BICC1: variants seen among roughly 807,000 people sequenced by gnomAD.
BICC1 encodes BicC family RNA binding protein 1, also known as protein bicaudal C homolog 1.
Under a neutral mutation model 111.0 loss-of-function variants are expected in BICC1, and 43 were observed. The ratio of observed to expected loss-of-function variants is 0.39; its 90% CI spans 0.30 to 0.50. The LOEUF (loss-of-function observed/expected upper bound fraction) is 0.50. BICC1 is among the 20% of genes least tolerant of loss of function. The pLI is 0.88. For synonymous variants in BICC1, 467 were observed against 434.4 expected (o/e 1.07, Z -0.93); for missense variants, 1,091 against 1,203.2 (o/e 0.91, Z 1.38).
chr10:58,565,557 C>G (rs374377619), intron 1 of BICC1, among the ~76,000 whole-genome samples: 5 of 152,282 alleles, frequency 3.3e-5, no homozygotes, highest in East Asian at 1.9e-4. Context: ...CCCTTGCCCC[C>G]CCGATGTATG....
intron 1 of BICC1, among the ~76,000 whole-genome samples, chr10:58,535,859 C>A (rs1276329103): frequency 6.6e-6 from 1 of 150,960 alleles, no homozygotes; most frequent in Non-Finnish European, 1.5e-5. Context: ...TTCTTATAGA[C>A]CCAAGGGAAA....
At chr10:58,538,285 C>T (rs946371778) in intron 1 of BICC1, among the ~76,000 whole-genome samples, 19 of 125,600 alleles carry the variant, frequency 1.5e-4, no homozygotes, top group African/African-American at 3.4e-4. Context: ...TTACATAGAC[C>T]GTGGAACAAA....
intron 19 of BICC1, among the ~76,000 whole-genome samples, chr10:58,819,239 G>A (rs1844185252): frequency 6.6e-6 from 1 of 152,120 alleles, no homozygotes; most frequent in African/African-American, 2.4e-5. Context: ...AGAAAGCTGG[G>A]GAACACTTGA....
At chr10:58,683,653 G>A (rs1361033612) in intron 2 of BICC1, among the ~76,000 whole-genome samples, 2 of 152,168 alleles carry the variant, frequency 1.3e-5, no homozygotes, top group East Asian at 3.9e-4. Flanking sequence ...TTGTGAATAG[G>A]AGTTCACTCA....
intron 3 of BICC1, among the ~76,000 whole-genome samples, chr10:58,764,774 C>T (rs1034213221): frequency 6.6e-6 from 1 of 151,490 alleles, no homozygotes; most frequent in African/African-American, 2.4e-5. Context: ...GATCAGTGGG[C>T]TGAAATTTAG....
At chr10:58,588,818 G>T (rs1170014903) in intron 1 of BICC1, among the ~76,000 whole-genome samples, 1 of 152,174 alleles carries the variant, frequency 6.6e-6, no homozygotes. Context: ...GAGCACATTT[G>T]ATTTTCATGG....
At chr10:58,716,769 A>G (rs1389965155) in intron 3 of BICC1, among the ~76,000 whole-genome samples, 2 of 151,116 alleles carry the variant, frequency 1.3e-5, no homozygotes, top group Non-Finnish European at 1.5e-5. Context: ...CTGGGGAAGG[A>G]GCTTTTAGGG....
chr10:58,590,735 T>G (rs1297921069), intron 1 of BICC1, among the ~76,000 whole-genome samples: 1 of 152,194 alleles, frequency 6.6e-6, no homozygotes, highest in African/African-American at 2.4e-5. Context: ...TTCACTTACC[T>G]CAGCATTTAA....
intron 2 of BICC1, among the ~76,000 whole-genome samples, chr10:58,632,938 G>A (rs1264346951): frequency 6.6e-6 from 1 of 152,138 alleles, no homozygotes; most frequent in Non-Finnish European, 1.5e-5. Flanking sequence ...AGGTTTAGAG[G>A]ATATGTAGAA....
At chr10:58,827,363 G>A (rs1844429206) in intron 20 of BICC1, among the ~76,000 whole-genome samples, 1 of 152,182 alleles carries the variant, frequency 6.6e-6, no homozygotes, top group African/African-American at 2.4e-5. Context: ...AAAAAACTGT[G>A]TCCAGATGTT....
intron 2 of BICC1, among the ~76,000 whole-genome samples, chr10:58,680,091 G>A (rs1839470614): frequency 1.3e-5 from 2 of 152,232 alleles, no homozygotes; most frequent in South Asian, 2.1e-4. Context: ...TACTGAATGG[G>A]CATTTCAAAG....
At chr10:58,757,595 T>C (rs7895752) in intron 3 of BICC1, among the ~76,000 whole-genome samples, 1,588 of 152,236 alleles carry the variant, frequency 0.01, 24 homozygotes, top group African/African-American at 0.032. Flanking sequence ...TTTAAGAGAT[T>C]GAGTCCGTAA....
intron 1 of BICC1, among the ~76,000 whole-genome samples, chr10:58,559,445 A>G (rs1843545129): frequency 6.6e-6 from 1 of 151,484 alleles, no homozygotes; most frequent in African/African-American, 2.4e-5. Context: ...TTGTATTTTG[A>G]TTTTGTGTCC....
intron 2 of BICC1, among the ~76,000 whole-genome samples, chr10:58,692,792 A>G (rs889768646): frequency 6.6e-6 from 1 of 150,780 alleles, no homozygotes; most frequent in African/African-American, 2.4e-5. Flanking sequence ...AATTTCTTTA[A>G]TGTGAAGTTT....
At chr10:58,617,439 G>C (rs1845654274) in intron 1 of BICC1, among the ~76,000 whole-genome samples, 1 of 152,224 alleles carries the variant, frequency 6.6e-6, no homozygotes, top group Non-Finnish European at 1.5e-5. Context: ...AGAGTTGCAA[G>C]AGGTCTTGGG....
chr10:58,530,740 A>G (rs1301532472), intron 1 of BICC1, among the ~76,000 whole-genome samples: 2 of 151,564 alleles, frequency 1.3e-5, no homozygotes, highest in African/African-American at 4.8e-5. Flanking sequence ...GACGTTTAAG[A>G]TATTTCATAC....
At chr10:58,702,250 C>T in intron 3 of BICC1, 107 bp downstream of exon 3, 1 of 772,458 alleles carries the variant, frequency 1.3e-6, no homozygotes, top group Non-Finnish European at 2.1e-6. Context: ...CACTTTTGTC[C>T]CAAAATGTTT....
intron 1 of BICC1, among the ~76,000 whole-genome samples, chr10:58,538,929 T>C (rs1186541320): frequency 1.3e-5 from 2 of 151,692 alleles, no homozygotes; most frequent in Non-Finnish European, 3.0e-5. Flanking sequence ...CAAATAACAA[T>C]AGATGTTGGC....
intron 1 of BICC1, among the ~76,000 whole-genome samples, chr10:58,595,806 A>G (rs1299832630): frequency 2.0e-5 from 3 of 152,192 alleles, no homozygotes; most frequent in Non-Finnish European, 4.4e-5. Context: ...TAAAAGAACT[A>G]GAGAAGCAAC....
Sources: gnomAD v4.1 joint callset for allele counts (sites outside exome capture counted in the v4.1 genomes callset) on GRCh38, gnomAD v4.1.1 for gene constraint, MANE v1.5 for transcripts, NCBI Gene and HGNC (gene_info 2026-07-23, HGNC 2026-07-21) for gene names.